FRMD4A: variants seen among roughly 807,000 people sequenced by gnomAD.
The protein encoded by FRMD4A is FERM domain containing 4A, also known as FERM domain-containing protein 4A.
In FRMD4A, 29 loss-of-function variants were observed where a neutral mutation model predicts 129.1. The observed-to-expected ratio is 0.22, with a 90% CI of 0.17 to 0.31. The LOEUF is 0.31. Ranked by LOEUF, FRMD4A falls within the 10% of genes least tolerant of loss-of-function variation. FRMD4A has a pLI of 1.00. For synonymous variants in FRMD4A, 634 were observed against 571.6 expected (o/e 1.11, Z -1.56); for missense variants, 1,272 against 1,375.8 (o/e 0.92, Z 1.19).
At chr10:14,078,076 C>A (rs182040574) in intron 2 of FRMD4A, among the ~76,000 whole-genome samples, 6 of 152,276 alleles carry the variant, frequency 3.9e-5, no homozygotes, top group African/African-American at 1.4e-4. Context: ...TAATTAATGA[C>A]CCTGTTATTA....
chr10:13,882,905 G>T (rs1324554883), intron 2 of FRMD4A, among the ~76,000 whole-genome samples: 2 of 151,374 alleles, frequency 1.3e-5, no homozygotes, highest in Non-Finnish European at 2.9e-5. Flanking sequence ...CTGGGCTCAA[G>T]CAATCCTCCC....
intron 2 of FRMD4A, among the ~76,000 whole-genome samples, chr10:13,921,871 G>A (rs890636226): frequency 6.6e-6 from 1 of 152,170 alleles, no homozygotes; most frequent in Non-Finnish European, 1.5e-5. Context: ...ATGTTATATG[G>A]TGACTGCTAG....
intron 3 of FRMD4A, among the ~76,000 whole-genome samples, chr10:13,825,346 G>A (rs562968912): frequency 3.9e-4 from 60 of 152,240 alleles, no homozygotes; most frequent in African/African-American, 1.3e-3. Flanking sequence ...CCCAAACCCC[G>A]GGCCGCAGAC....
intron 15 of FRMD4A, 137 bp from the exon 16 acceptor site, chr10:13,675,181 C>G: frequency 1.4e-6 from 1 of 717,834 alleles, no homozygotes; most frequent in South Asian, 1.7e-5. Context: ...AAAACAGGTG[C>G]TCAGCACTCT....
intron 12 of FRMD4A, among the ~76,000 whole-genome samples, chr10:13,735,781 T>C (rs2090594231): frequency 6.6e-6 from 1 of 152,204 alleles, no homozygotes; most frequent in Non-Finnish European, 1.5e-5. Context: ...GCTCAATGTA[T>C]TGCAGCCAGA....
intron 2 of FRMD4A, chr10:14,097,204 C>CCTGG (rs1331485264): frequency 6.8e-6 from 1 of 147,682 alleles, no homozygotes; most frequent in Non-Finnish European, 1.5e-5. Context: ...TGGAAGACAT[C>CCTGG]CTGGCATATA....
At chr10:14,076,634 C>T (rs950440036) in intron 2 of FRMD4A, among the ~76,000 whole-genome samples, 27 of 150,340 alleles carry the variant, frequency 1.8e-4, no homozygotes, top group Admixed American at 6.6e-4. Context: ...AGCGAGACTC[C>T]GTCTCAAAAA....
chr10:13,972,129 T>G, intron 2 of FRMD4A: 15 of 1,076,580 alleles, frequency 1.4e-5, no homozygotes, highest in Non-Finnish European at 1.5e-5. Context: ...TGTTTCTCAG[T>G]GGACTGAGGC....
intron 15 of FRMD4A, among the ~76,000 whole-genome samples, chr10:13,679,426 CAAAAAAAAAAAAAAAAAAAA>C (rs1184269199): frequency 1.2e-4 from 1 of 8,602 alleles, no homozygotes; most frequent in Non-Finnish European, 2.0e-4. Context: ...GACTCTGTCT[CAAAAAAAAAAAAAAAAAAAA>C]AAAAAAAAAA....
chr10:14,103,370 T>C (rs1476753211), intron 2 of FRMD4A, among the ~76,000 whole-genome samples: 1 of 152,188 alleles, frequency 6.6e-6, no homozygotes, highest in African/African-American at 2.4e-5. Flanking sequence ...CTCTCTCTTT[T>C]TCCTACTGCA....
chr10:14,177,852 G>A (rs760764895), intron 2 of FRMD4A, among the ~76,000 whole-genome samples: 2 of 152,158 alleles, frequency 1.3e-5, no homozygotes, highest in Non-Finnish European at 2.9e-5. Flanking sequence ...GGAGCCTGGG[G>A]TTGTTCACCA....
At chr10:14,047,199 C>T (rs900856223) in intron 2 of FRMD4A, among the ~76,000 whole-genome samples, 2 of 152,168 alleles carry the variant, frequency 1.3e-5, no homozygotes, top group African/African-American at 2.4e-5. Context: ...TTCATTTTAC[C>T]GTCTCTATCC....
chr10:14,052,164 A>G (rs1834291751), intron 2 of FRMD4A, among the ~76,000 whole-genome samples: 1 of 152,174 alleles, frequency 6.6e-6, no homozygotes, highest in Non-Finnish European at 1.5e-5. Flanking sequence ...GGAGAGGGGC[A>G]TGGAACACAC....
At chr10:14,192,250 T>C (rs1028276116) in intron 2 of FRMD4A, among the ~76,000 whole-genome samples, 1 of 152,364 alleles carries the variant, frequency 6.6e-6, no homozygotes, top group South Asian at 2.1e-4. Context: ...AATTGCTAAC[T>C]GGGTTTTGTG....
chr10:13,879,424 A>T (rs1296965280), intron 2 of FRMD4A, among the ~76,000 whole-genome samples: 2 of 151,906 alleles, frequency 1.3e-5, no homozygotes, highest in African/African-American at 4.8e-5. Flanking sequence ...GAGGTGGGAG[A>T]ATCACTTGAG....
At chr10:14,096,619 T>C (rs1836976229) in intron 2 of FRMD4A, among the ~76,000 whole-genome samples, 1 of 152,050 alleles carries the variant, frequency 6.6e-6, no homozygotes. Context: ...ATAAATCACC[T>C]AAAGAGGGAA....
intron 2 of FRMD4A, among the ~76,000 whole-genome samples, chr10:14,011,439 G>A (rs2095682010): frequency 6.6e-6 from 1 of 152,140 alleles, no homozygotes; most frequent in African/African-American, 2.4e-5. Context: ...GAACCTTGGA[G>A]ACCCATCCAG....
chr10:14,310,678 CGA>C (rs1359055534), intron 2 of FRMD4A, among the ~76,000 whole-genome samples: 14 of 152,146 alleles, frequency 9.2e-5, no homozygotes, highest in Admixed American at 4.6e-4. Context: ...ACCAGAAATT[CGA>C]GCGCTATGCA....
At chr10:14,080,545 T>C (rs888423651) in intron 2 of FRMD4A, among the ~76,000 whole-genome samples, 23 of 152,114 alleles carry the variant, frequency 1.5e-4, no homozygotes, top group Non-Finnish European at 8.8e-5. Context: ...CCAGCCAAGA[T>C]GATTGAGCCT....
Sources: allele counts gnomAD v4.1 joint callset (sites outside exome capture counted in the v4.1 genomes callset), GRCh38; gene constraint gnomAD v4.1.1; transcripts MANE v1.5; gene names NCBI Gene and HGNC (gene_info 2026-07-23, HGNC 2026-07-21).